The following GPC5 variants were observed in gnomAD, a reference collection of about 807,000 sequenced individuals.
GPC5 encodes the protein glypican 5.
Under a neutral mutation model 53.9 loss-of-function variants are expected in GPC5, and 47 were observed. The ratio of observed to expected loss-of-function variants is 0.87; its 90% confidence interval spans 0.69 to 1.11. GPC5 has a LOEUF of 1.11. Ranked by LOEUF, GPC5 falls within the 50% of genes most tolerant of loss-of-function variation. GPC5 has a pLI of 0.00. For missense variants in GPC5, 748 were observed against 713.1 expected (o/e 1.05, Z -0.56); for synonymous variants, 286 against 263.3 (o/e 1.09, Z -0.84).
At chr13:92,432,200 C>A (rs1324681612) in intron 7 of GPC5, among the ~76,000 whole-genome samples, 9 of 152,150 alleles carry the variant, frequency 5.9e-5, no homozygotes, top group Non-Finnish European at 4.4e-5. Flanking sequence ...AAGAGAGCAT[C>A]ACCAGAAACT....
chr13:92,640,136 A>G (rs1193737957), intron 7 of GPC5, among the ~76,000 whole-genome samples: 1 of 151,896 alleles, frequency 6.6e-6, no homozygotes, highest in African/African-American at 2.4e-5. Context: ...GCATGTATAT[A>G]TATACACGTG....
chr13:91,549,096 C>T (rs1158226969), intron 2 of GPC5, among the ~76,000 whole-genome samples: 1 of 152,002 alleles, frequency 6.6e-6, no homozygotes, highest in Non-Finnish European at 1.5e-5. Flanking sequence ...TGGTGAAATG[C>T]TGTCTCTACT....
intron 7 of GPC5, among the ~76,000 whole-genome samples, chr13:92,584,147 C>A (rs530139471): frequency 6.6e-6 from 1 of 152,108 alleles, no homozygotes; most frequent in Admixed American, 6.6e-5. Context: ...AATATGGAAG[C>A]AACTTTGGAA....
rs536641015 is a variant in GPC5, at chr13:92,556,470, G to A, written c.1562-309812G>A. 1.1e-4 allele frequency among the ~76,000 whole-genome samples: 17 copies of A among 151,478 alleles called. No homozygotes were observed. In the East Asian group the frequency reaches 1.8e-3, roughly 16 times the overall value. On this transcript the variant is annotated intron_variant, in intron 7 of 7. Coordinates refer to ENST00000377067, the MANE Select transcript of GPC5 (RefSeq NM_004466.6). ...AAGTGTTATTTTGGAAAAAGTCTTC[G>A]ATGAGATATTTATTAATATCCATGA...
chr13:92,243,750 G>A (rs973327211), intron 7 of GPC5, among the ~76,000 whole-genome samples: 4 of 152,080 alleles, frequency 2.6e-5, no homozygotes, highest in Admixed American at 6.6e-5. Context: ...ATTAATAGAC[G>A]ATGTCTGTGT....
intron 6 of GPC5, chr13:91,995,583 T>C (rs1472416045): frequency 6.6e-6 from 1 of 152,156 alleles, no homozygotes; most frequent in African/African-American, 2.4e-5. Context: ...AAATTTAAAT[T>C]TGATTCTTGT....
At chr13:92,582,503 A>C (rs1439910457) in intron 7 of GPC5, among the ~76,000 whole-genome samples, 1 of 152,066 alleles carries the variant, frequency 6.6e-6, no homozygotes, top group Non-Finnish European at 1.5e-5. Flanking sequence ...ATTCCATATA[A>C]ATTTTAGGAT....
At chr13:92,635,959 G>C (rs1885392671) in intron 7 of GPC5, among the ~76,000 whole-genome samples, 1 of 152,164 alleles carries the variant, frequency 6.6e-6, no homozygotes, top group South Asian at 2.1e-4. Flanking sequence ...TTTTAAGTCA[G>C]GTCTTTCACA....
intron 7 of GPC5, among the ~76,000 whole-genome samples, chr13:92,237,768 T>G (rs2042580916): frequency 6.6e-6 from 1 of 152,090 alleles, no homozygotes; most frequent in African/African-American, 2.4e-5. Context: ...CACAATAAAT[T>G]TTAGAACATT....
chr13:92,715,685 C>T (rs1888306047), intron 7 of GPC5, among the ~76,000 whole-genome samples: 1 of 152,114 alleles, frequency 6.6e-6, no homozygotes, highest in Non-Finnish European at 1.5e-5. Context: ...TCTTGCTGTA[C>T]TATACCAAGG....
intron 6 of GPC5, among the ~76,000 whole-genome samples, chr13:92,054,890 G>A (rs2041062053): frequency 1.3e-5 from 2 of 152,150 alleles, no homozygotes; most frequent in Admixed American, 6.5e-5. Context: ...ATTCTTTTTG[G>A]AGAATAAAAA....
rs569828954 is a variant in GPC5, at chr13:92,503,577, G to A, written c.1561+358588G>A. On this transcript the variant is annotated intron_variant, in intron 7 of 7. Coordinates refer to ENST00000377067, the MANE Select transcript of GPC5 (RefSeq NM_004466.6). ...AAATACCCTCTTTAAAAAAAACCCA[G>A]GAAAACAACAAAGAAAATATATTAA... Among the ~76,000 whole-genome samples the A allele has an allele frequency of 7.3e-4, 110 of 151,334 alleles. 1 individual carries two copies. Among genetic ancestry groups the A allele is most frequent in the African/African-American group, 2.6e-3 (108 of 41,330 alleles).
intron 7 of GPC5, among the ~76,000 whole-genome samples, chr13:92,813,117 T>C (rs1877353321): frequency 6.6e-6 from 1 of 151,908 alleles, no homozygotes; most frequent in South Asian, 2.1e-4. Flanking sequence ...AAATAATCCT[T>C]ACCATGCAGG....
chr13:92,640,459 A>G (rs1885558502), intron 7 of GPC5, among the ~76,000 whole-genome samples: 1 of 151,996 alleles, frequency 6.6e-6, no homozygotes, highest in African/African-American at 2.4e-5. Context: ...ACGGAGTTTC[A>G]CCGTGTTAGC....
chr13:92,673,865 A>C (rs371327925), intron 7 of GPC5, among the ~76,000 whole-genome samples: 1 of 152,184 alleles, frequency 6.6e-6, no homozygotes, highest in African/African-American at 2.4e-5. Context: ...TTTTCAAATC[A>C]AGGCTAGCTA....
At chr13:92,064,914 C>T (rs1398751817) in intron 6 of GPC5, among the ~76,000 whole-genome samples, 2 of 151,758 alleles carry the variant, frequency 1.3e-5, no homozygotes, top group East Asian at 1.9e-4. Context: ...TTAAATAATC[C>T]TTTTTTTATG....
At chr13:91,423,757 A>T (rs1385583981) in intron 1 of GPC5, among the ~76,000 whole-genome samples, 1 of 152,228 alleles carries the variant, frequency 6.6e-6, no homozygotes, top group Non-Finnish European at 1.5e-5. Flanking sequence ...TAAGTATGTG[A>T]GGTTAGAGAT....
chr13:92,035,915 G>A (rs1566405680), intron 6 of GPC5, among the ~76,000 whole-genome samples: 2 of 152,022 alleles, frequency 1.3e-5, no homozygotes, highest in Admixed American at 6.6e-5. Flanking sequence ...CAATTCATTG[G>A]ATTTTGTTTA....
At chr13:92,552,361 T>A (rs947507281) in intron 7 of GPC5, among the ~76,000 whole-genome samples, 4 of 151,870 alleles carry the variant, frequency 2.6e-5, no homozygotes, top group Admixed American at 6.6e-5. Flanking sequence ...GAACAACAGA[T>A]AAGATATTTG....
Sources: allele counts gnomAD v4.1 joint callset (sites outside exome capture counted in the v4.1 genomes callset), GRCh38; gene constraint gnomAD v4.1.1; transcripts MANE v1.5; gene names NCBI Gene and HGNC (gene_info 2026-07-23, HGNC 2026-07-21).